Variants in TRPM7 observed in about 807,000 individuals in gnomAD.
TRPM7 encodes the protein LTRPC ion channel family member 7.
A neutral mutation model predicts 229.7 loss-of-function variants in TRPM7; 134 were observed. That is an observed-to-expected ratio of 0.58 (90% CI 0.51 to 0.67). TRPM7 has a LOEUF of 0.67. Among genes scored for constraint, TRPM7 ranks in the 30% least tolerant of loss-of-function variants. The probability of loss-of-function intolerance (pLI) is 0.00; values close to 1 mark genes in which losing one functional copy is unlikely to be tolerated. For synonymous variants in TRPM7, 699 were observed against 715.2 expected (o/e 0.98, Z 0.36); for missense variants, 1,901 against 2,210.0 (o/e 0.86, Z 2.80).
At chr15:50,684,596 G>A (rs896655704) in intron 1 of TRPM7, among the ~76,000 whole-genome samples, 1 of 151,664 alleles carries the variant, frequency 6.6e-6, no homozygotes, top group African/African-American at 2.4e-5. Context: ...AGCCGAGATC[G>A]CTACACTGCA....
At chr15:50,665,126 A>G (rs1232005777) in intron 1 of TRPM7, among the ~76,000 whole-genome samples, 3 of 152,174 alleles carry the variant, frequency 2.0e-5, no homozygotes, top group Non-Finnish European at 2.9e-5. Flanking sequence ...ATCATGGGTC[A>G]GGCCCAGTGG....
At position 50,635,664 on chromosome 15, in the gene TRPM7, C is replaced by CAAAAAAAA. The variant is rs765054880; in HGVS notation, c.833-1116_833-1109dup. 6.0e-4 allele frequency among the ~76,000 whole-genome samples: 34 copies of CAAAAAAAA among 56,574 alleles called. 1 individual carries two copies. The highest frequency in any genetic ancestry group is 1.3e-3 in the African/African-American group (25 of 18,964). The allele number at this position is 56,574 out of a possible 152,430, so 37.1% of individuals were successfully genotyped here. On this transcript the variant is annotated intron_variant, in intron 7 of 38. Transcript: ENST00000646667. ...AGCAACAGAGCAAGACTCCATCTCC[C>CAAAAAAAA]AAAAAAAAAAAAAAAAAAAAAAAAA...
chr15:50,665,057 T>C (rs929828720), intron 1 of TRPM7, among the ~76,000 whole-genome samples: 1 of 152,286 alleles, frequency 6.6e-6, no homozygotes, highest in Non-Finnish European at 1.5e-5. Context: ...TTTCTGTATA[T>C]TAGAAACAGA....
intron 2 of TRPM7, among the ~76,000 whole-genome samples, chr15:50,659,720 T>G (rs1422153661): frequency 6.6e-6 from 1 of 151,974 alleles, no homozygotes; most frequent in Non-Finnish European, 1.5e-5. Flanking sequence ...GAGGCTGGAG[T>G]GCAGTGGCAC....
intron 28 of TRPM7, among the ~76,000 whole-genome samples, chr15:50,584,300 A>G (rs1004933406): frequency 6.6e-6 from 1 of 152,234 alleles, no homozygotes; most frequent in Admixed American, 6.5e-5. Flanking sequence ...AATGTTTTCA[A>G]TATGATGAAA....
chr15:50,613,501 CAAAAA>C, intron 15 of TRPM7, among the ~76,000 whole-genome samples: 1 of 62,818 alleles, frequency 1.6e-5, no homozygotes, highest in South Asian at 7.5e-4. Context: ...ACTCCTGTCT[CAAAAA>C]AAAAAAAAAA....
At chr15:50,611,653 C>G (rs1033684684) in intron 16 of TRPM7, among the ~76,000 whole-genome samples, 1 of 152,176 alleles carries the variant, frequency 6.6e-6, no homozygotes, top group African/African-American at 2.4e-5. Context: ...ATTTCAAACA[C>G]AGAAAACAGT....
chr15:50,660,585 G>T (rs1012542856), intron 2 of TRPM7, among the ~76,000 whole-genome samples: 1 of 152,118 alleles, frequency 6.6e-6, no homozygotes, highest in African/African-American at 2.4e-5. Flanking sequence ...AACCCGGAAG[G>T]CAGACTTTGC....
chr15:50,659,980 T>C (rs1253614678), intron 2 of TRPM7, among the ~76,000 whole-genome samples: 1 of 152,256 alleles, frequency 6.6e-6, no homozygotes, highest in South Asian at 2.1e-4. Context: ...AATCTATTTT[T>C]TTAATAAAGC....
intron 13 of TRPM7, among the ~76,000 whole-genome samples, chr15:50,616,278 C>T (rs1450700105): frequency 1.3e-5 from 2 of 152,078 alleles, no homozygotes; most frequent in African/African-American, 4.8e-5. Context: ...AAAGATTTAT[C>T]ACTTATAGAA....
intron 3 of TRPM7, among the ~76,000 whole-genome samples, chr15:50,653,634 C>T (rs1429470242): frequency 6.6e-6 from 1 of 152,146 alleles, no homozygotes; most frequent in Non-Finnish European, 1.5e-5. Flanking sequence ...ATAGAGATGA[C>T]ACCTAGGCAG....
chr15:50,561,872 T>A, intron 38 of TRPM7, 64 bp from the exon 39 acceptor site: 1 of 1,422,880 alleles, frequency 7.0e-7, no homozygotes, highest in Non-Finnish European at 9.4e-7. Context: ...AGTTAGTATT[T>A]CTTAGAAATG....
intron 3 of TRPM7, 69 bp downstream of exon 3, chr15:50,657,712 C>T (rs2061612560): frequency 1.5e-6 from 2 of 1,373,314 alleles, no homozygotes; most frequent in Non-Finnish European, 2.1e-6. Context: ...TGTGTTCTAA[C>T]TCATATTTCT....
At chr15:50,569,552 G>C (rs2053770422) in intron 38 of TRPM7, among the ~76,000 whole-genome samples, 1 of 152,078 alleles carries the variant, frequency 6.6e-6, no homozygotes, top group African/African-American at 2.4e-5. Context: ...TATCAGTCCT[G>C]TAACTCCCTG....
rs1421327947 is a variant in TRPM7 at position 50,575,920 on chromosome 15, C to G, written c.4619-1G>C. On this transcript the variant is annotated splice_acceptor_variant, in intron 31 of 38. Transcript: ENST00000646667. LOFTEE classifies it high-confidence loss of function. ...GCTGGCTTAAATGGAGAAGTGAGACCTAGAATGGCAAATAAACAAACGAGA... is the reference window on the plus strand; with the variant it reads ...GCTGGCTTAAATGGAGAAGTGAGACGTAGAATGGCAAATAAACAAACGAGA... The G allele has an allele frequency of 6.2e-7, 1 of 1,612,896 alleles. No individual in the cohort carries two copies. The highest frequency in any genetic ancestry group is 1.3e-5 in the African/African-American group (1 of 74,922).
chr15:50,674,846 A>AAT (rs2062060207), intron 1 of TRPM7, among the ~76,000 whole-genome samples: 1 of 152,110 alleles, frequency 6.6e-6, no homozygotes, highest in South Asian at 2.1e-4. Context: ...CAACACTTCG[A>AAT]ATATATCATC....
chr15:50,628,293 C>A, intron 10 of TRPM7, 44 bp from the exon 11 acceptor site: 2 of 1,389,106 alleles, frequency 1.4e-6, no homozygotes, highest in South Asian at 1.2e-5. Flanking sequence ...ATTAATTTAT[C>A]TCCATTAAAA....
chr15:50,666,097 A>T (rs1476415312), intron 1 of TRPM7, among the ~76,000 whole-genome samples: 1 of 152,194 alleles, frequency 6.6e-6, no homozygotes, highest in African/African-American at 2.4e-5. Flanking sequence ...AAAATTAAAG[A>T]AAAAAATCAG....
At chr15:50,590,019 G>C (rs1254216024) in intron 26 of TRPM7, among the ~76,000 whole-genome samples, 1 of 152,014 alleles carries the variant, frequency 6.6e-6, no homozygotes, top group South Asian at 2.1e-4. Flanking sequence ...CACCATGCCT[G>C]ACTAATTTTT....
Sources: allele counts gnomAD v4.1 joint callset (sites outside exome capture counted in the v4.1 genomes callset), GRCh38; gene constraint gnomAD v4.1.1; transcripts MANE v1.5; gene names NCBI Gene and HGNC (gene_info 2026-07-23, HGNC 2026-07-21).